The following PRRC1 variants were observed in gnomAD, a reference collection of about 807,000 sequenced individuals.
PRRC1 encodes the protein proline rich coiled-coil 1, also known as protein PRRC1.
A neutral mutation model predicts 40.7 loss-of-function variants in PRRC1; 39 were observed. The ratio of observed to expected loss-of-function variants is 0.96; its 90% confidence interval spans 0.74 to 1.25. PRRC1 has a LOEUF of 1.25. Among genes scored for constraint, PRRC1 ranks in the 50% most tolerant of loss-of-function variants. The pLI, the probability that PRRC1 is intolerant of heterozygous loss-of-function variation, is 0.00. For synonymous variants in PRRC1, 175 were observed against 193.3 expected (o/e 0.91, Z 0.79); for missense variants, 573 against 548.3 (o/e 1.05, Z -0.45).
At position 127,552,022 on chromosome 5, in the gene PRRC1, T is replaced by C; in HGVS notation, c.*106T>C. On this transcript the variant is annotated 3_prime_UTR_variant, in exon 9 of 9. Transcript: ENST00000296666. ...AATAGTCTAAATGAATCCAGTAGTT[T>C]TTATCATTTTCCTGTAGCCTGCAAT... 1 of 1,494,754 alleles carries C rather than the reference T, an allele frequency of 6.7e-7. No individual in the cohort carries two copies. The highest frequency in any genetic ancestry group is 8.9e-7 in the Non-Finnish European group (1 of 1,119,432). The allele number at this position is 1,494,754 out of a possible 1,614,324, so 92.6% of individuals were successfully genotyped here.
chr5:127,520,530 C>T (rs1338141441), intron 1 of PRRC1, among the ~76,000 whole-genome samples: 1 of 152,016 alleles, frequency 6.6e-6, no homozygotes, highest in Admixed American at 6.6e-5. Context: ...ATCTCAAGAA[C>T]ATTATGTTGA....
At chr5:127,528,934 T>C (rs1419951884) in intron 4 of PRRC1, among the ~76,000 whole-genome samples, 1 of 152,170 alleles carries the variant, frequency 6.6e-6, no homozygotes, top group East Asian at 1.9e-4. Flanking sequence ...TTCCCTGTTC[T>C]TGTAGTAGAG....
At chr5:127,539,190 G>T in intron 7 of PRRC1, 47 bp downstream of exon 7, 1 of 1,441,096 alleles carries the variant, frequency 6.9e-7, no homozygotes, top group Non-Finnish European at 9.8e-7. Flanking sequence ...ATTGGGTCTG[G>T]GAGTTGACAC....
chr5:127,522,178 G>A (rs544673408), intron 1 of PRRC1, among the ~76,000 whole-genome samples: 120 of 152,268 alleles, frequency 7.9e-4, no homozygotes, highest in African/African-American at 2.8e-3. Flanking sequence ...AGTTGGTTCT[G>A]TACTTGAGAT....
intron 1 of PRRC1, among the ~76,000 whole-genome samples, chr5:127,518,718 A>G (rs72792006): frequency 0.028 from 4,204 of 151,898 alleles, 79 homozygotes; most frequent in Non-Finnish European, 0.045. Context: ...GTAAACTTGT[A>G]AATAGACATC....
intron 7 of PRRC1, among the ~76,000 whole-genome samples, chr5:127,542,584 A>G (rs938897261): frequency 1.3e-5 from 2 of 151,026 alleles, no homozygotes; most frequent in Admixed American, 6.6e-5. Context: ...TATATTTAGG[A>G]TAGTTAGCTC....
chr5:127,545,668 T>C (rs1768196525), intron 7 of PRRC1, among the ~76,000 whole-genome samples: 1 of 148,022 alleles, frequency 6.8e-6, no homozygotes, highest in Non-Finnish European at 1.5e-5. Flanking sequence ...TTAGGAGATA[T>C]ACCTAATGCT....
At chr5:127,518,605 C>T (rs1466847368) in intron 1 of PRRC1, among the ~76,000 whole-genome samples, 1 of 152,144 alleles carries the variant, frequency 6.6e-6, no homozygotes, top group African/African-American at 2.4e-5. Context: ...CTCTAACTAG[C>T]GCTCACTGTT....
chr5:127,544,663 T>G (rs1768160753), intron 7 of PRRC1, among the ~76,000 whole-genome samples: 1 of 152,232 alleles, frequency 6.6e-6, no homozygotes, highest in South Asian at 2.1e-4. Context: ...CGGGACTCCG[T>G]GGGCATAGGA....
In PRRC1 at chr5:127,551,842, C is replaced by A. The variant is rs745704102; in HGVS notation, c.1264C>A (p.Arg422=). 1.2e-6 allele frequency: 2 copies of A among 1,614,046 alleles called. No homozygotes were observed. Among genetic ancestry groups the A allele is most frequent in the African/African-American group, 1.3e-5 (1 of 74,994 alleles). The change falls in exon 9 of 9, where the codon CGG becomes AGG. Residue 422 remains arginine (R), a synonymous_variant. Coordinates refer to ENST00000296666, the MANE Select transcript of PRRC1 (RefSeq NM_130809.5). ...WHMAFTGMSR[R]QMIYSAARAI... The stretch of plus-strand genomic sequence containing the variant: ...CATGGCATTTACTGGGATGTCCCGT[C>A]GGCAGATGATCTACAGTGCAGCCAG...
chr5:127,541,833 G>T (rs2127109558), intron 7 of PRRC1, among the ~76,000 whole-genome samples: 1 of 152,032 alleles, frequency 6.6e-6, no homozygotes, highest in East Asian at 1.9e-4. Flanking sequence ...CCAGCTCCTG[G>T]ATTCATTAAT....
At chr5:127,538,342 A>G (rs895608800) in intron 6 of PRRC1, among the ~76,000 whole-genome samples, 10 of 152,062 alleles carry the variant, frequency 6.6e-5, no homozygotes, top group African/African-American at 2.4e-4. Context: ...CAGACTTCTT[A>G]TCTTGCGTTT....
At position 127,553,722 on chromosome 5, in the gene PRRC1, T is replaced by C; in HGVS notation, c.*1806T>C. 1 of 1,503,806 alleles carries C rather than the reference T, an allele frequency of 6.6e-7. No individual in the cohort carries two copies. The highest frequency in any genetic ancestry group is 8.8e-7 in the Non-Finnish European group (1 of 1,135,818). The allele number at this position is 1,503,806 out of a possible 1,614,324, so 93.2% of individuals were successfully genotyped here. A position where few individuals can be genotyped will look rare whatever the true frequency, so the allele number is the denominator to read the frequency against. On this transcript the variant is annotated 3_prime_UTR_variant, in exon 9 of 9. Transcript: ENST00000296666. ...CCTTAATTTTTCTTTGATTTTTATT[T>C]TACCAAGTCACAAATGTCTTTTTGA... is the stretch of plus-strand genomic sequence containing the variant.
intron 2 of PRRC1, 29 bp from the exon 3 acceptor site, chr5:127,524,502 G>T: frequency 6.4e-7 from 1 of 1,552,144 alleles, no homozygotes; most frequent in East Asian, 2.3e-5. Context: ...TTCTAATTCT[G>T]TGCTTTTATC....
At chr5:127,545,501 T>C (rs888975505) in intron 7 of PRRC1, among the ~76,000 whole-genome samples, 31 of 151,746 alleles carry the variant, frequency 2.0e-4, no homozygotes, top group African/African-American at 5.8e-4. Context: ...ATGGATGAAA[T>C]TGGAAATCAT....
chr5:127,546,869 CAAATA>C (rs898708644), intron 7 of PRRC1, among the ~76,000 whole-genome samples: 4 of 151,974 alleles, frequency 2.6e-5, no homozygotes, highest in Admixed American at 6.6e-5. Context: ...ATTAGTCTAC[CAAATA>C]AAATAAATGT....
intron 7 of PRRC1, among the ~76,000 whole-genome samples, chr5:127,542,445 C>T (rs1479994085): frequency 1.5e-4 from 23 of 152,006 alleles, no homozygotes; most frequent in Non-Finnish European, 2.6e-4. Context: ...CTTTCTGTCT[C>T]GTTGATCTGT....
chr5:127,544,035 G>A (rs1215390214), intron 7 of PRRC1, among the ~76,000 whole-genome samples: 2 of 152,070 alleles, frequency 1.3e-5, no homozygotes, highest in Non-Finnish European at 2.9e-5. Flanking sequence ...TGATGGTGAT[G>A]TACAGATGGG....
At chr5:127,551,283 A>C (rs1768374602) in intron 8 of PRRC1, 1 of 199,744 alleles carries the variant, frequency 5.0e-6, no homozygotes, top group Non-Finnish European at 1.0e-5. Context: ...TTAACATGTG[A>C]ATCACATTTC....
Sources: allele counts gnomAD v4.1 joint callset (sites outside exome capture counted in the v4.1 genomes callset), GRCh38; gene constraint gnomAD v4.1.1; transcripts MANE v1.5; gene names NCBI Gene and HGNC (gene_info 2026-07-23, HGNC 2026-07-21).